Variants in GRID1 observed in about 807,000 individuals in gnomAD.
GRID1 encodes the protein glutamate ionotropic receptor delta type subunit 1.
Under a neutral mutation model 98.0 loss-of-function variants are expected in GRID1, and 28 were observed. The ratio of observed to expected loss-of-function variants is 0.29; its 90% CI spans 0.21 to 0.39. GRID1 has a LOEUF of 0.39. Among genes scored for constraint, GRID1 ranks in the 10% least tolerant of loss-of-function variants. The pLI is 1.00. For missense variants in GRID1, 1,111 were observed against 1,340.5 expected, an observed-to-expected ratio of 0.83 and a Z score of 2.67; for synonymous variants, 553 against 538.5, an observed-to-expected ratio of 1.03 and a Z score of -0.37.
intron 8 of GRID1, among the ~76,000 whole-genome samples, chr10:85,758,430 G>A (rs1014520692): frequency 1.3e-5 from 2 of 152,142 alleles, no homozygotes; most frequent in Non-Finnish European, 2.9e-5. Flanking sequence ...TGGGGCTGTG[G>A]TTTAGGAGCT....
chr10:85,650,666 G>T (rs1181948754), intron 12 of GRID1, among the ~76,000 whole-genome samples: 2 of 152,198 alleles, frequency 1.3e-5, no homozygotes, highest in Non-Finnish European at 2.9e-5. Flanking sequence ...TAACCCATGG[G>T]TAGGAGCTAA....
rs141023014 is a variant in GRID1, at chr10:85,610,230, T to A, written c.2601+3177A>T. Among the ~76,000 whole-genome samples, 203 of 152,360 alleles carry A rather than the reference T, an allele frequency of 1.3e-3. 2 individuals carry two copies. The highest frequency in any genetic ancestry group is 9.1e-3 in the South Asian group (44 of 4,830). ...GTAGTTCCGGATTAAATACCATCAT[T>A]ATTTTTTGAAGGTTTTAAGAATATG... On this transcript the variant is annotated intron_variant, in intron 15 of 15. Coordinates refer to ENST00000327946, the MANE Select transcript of GRID1 (RefSeq NM_017551.3).
intron 3 of GRID1, among the ~76,000 whole-genome samples, chr10:86,141,829 C>T (rs1030215558): frequency 6.6e-6 from 1 of 152,198 alleles, no homozygotes; most frequent in African/African-American, 2.4e-5. Context: ...CCTGGAGAAA[C>T]CGCCTTTAAC....
intron 4 of GRID1, among the ~76,000 whole-genome samples, chr10:86,105,731 T>C (rs760641244): frequency 6.6e-6 from 1 of 152,188 alleles, no homozygotes; most frequent in African/African-American, 2.4e-5. Flanking sequence ...GGTTGGAATC[T>C]AGGGGAGAGA....
intron 4 of GRID1, among the ~76,000 whole-genome samples, chr10:86,096,275 C>G (rs554147482): frequency 6.6e-6 from 1 of 152,224 alleles, no homozygotes; most frequent in South Asian, 2.1e-4. Flanking sequence ...GCACCAAAAT[C>G]TCACAAATCA....
chr10:85,966,145 A>G (rs1306213413), intron 4 of GRID1, among the ~76,000 whole-genome samples: 1 of 152,226 alleles, frequency 6.6e-6, no homozygotes, highest in Admixed American at 6.5e-5. Flanking sequence ...AAAGCTCACT[A>G]GGTAGGAAAA....
At position 86,274,740 on chromosome 10, in the gene GRID1, G is replaced by A. The variant is rs1005129906; in HGVS notation, c.236-68092C>T. Among the ~76,000 whole-genome samples the A allele has an allele frequency of 3.8e-4, 57 of 151,672 alleles. 1 individual carries two copies. Among genetic ancestry groups the A allele is most frequent in the Non-Finnish European group, 7.9e-4 (54 of 67,928 alleles). On this transcript the variant is annotated intron_variant, in intron 2 of 15. Coordinates refer to ENST00000327946, the MANE Select transcript of GRID1 (RefSeq NM_017551.3). ...CTGTTATTGGTGTATAAGAATGCTT[G>A]TGATTTTTGTACATTGATTTTGTAT...
intron 3 of GRID1, among the ~76,000 whole-genome samples, chr10:86,140,931 C>T (rs553715492): frequency 6.6e-6 from 1 of 152,276 alleles, no homozygotes; most frequent in Non-Finnish European, 1.5e-5. Flanking sequence ...CAAATGAGAA[C>T]CCTGGGGGCT....
intron 4 of GRID1, among the ~76,000 whole-genome samples, chr10:85,972,628 C>T (rs1291508718): frequency 1.3e-5 from 2 of 151,734 alleles, no homozygotes; most frequent in African/African-American, 4.8e-5. Context: ...TATTGCGTGG[C>T]TATTCCATAA....
chr10:86,130,123 A>C (rs1333781980), intron 4 of GRID1, among the ~76,000 whole-genome samples: 2 of 152,248 alleles, frequency 1.3e-5, no homozygotes, highest in Non-Finnish European at 2.9e-5. Context: ...GATCCAGTGA[A>C]TCTAACCCAG....
At chr10:86,193,522 A>C (rs868662405) in intron 3 of GRID1, among the ~76,000 whole-genome samples, 2 of 138,100 alleles carry the variant, frequency 1.4e-5, no homozygotes, top group Admixed American at 7.1e-5. Context: ...GCTTGTGGGC[A>C]CACCAGAGCT....
chr10:86,259,333 C>G (rs1371661335), intron 2 of GRID1, among the ~76,000 whole-genome samples: 1 of 152,250 alleles, frequency 6.6e-6, no homozygotes, highest in Non-Finnish European at 1.5e-5. Context: ...CTACCTCTCT[C>G]TCTCTCTCCT....
chr10:85,684,280 C>T (rs1297681229), intron 12 of GRID1, among the ~76,000 whole-genome samples: 3 of 152,124 alleles, frequency 2.0e-5, no homozygotes, highest in Admixed American at 2.0e-4. Flanking sequence ...TCATAACTTT[C>T]ATAACAAAAT....
At chr10:85,622,592 T>A (rs1842870243) in intron 13 of GRID1, among the ~76,000 whole-genome samples, 1 of 152,098 alleles carries the variant, frequency 6.6e-6, no homozygotes, top group Admixed American at 6.5e-5. Context: ...GGATCCTGAA[T>A]CTGTCTGAAA....
At chr10:85,829,930 G>T (rs191140495) in intron 8 of GRID1, among the ~76,000 whole-genome samples, 4 of 152,192 alleles carry the variant, frequency 2.6e-5, no homozygotes, top group Admixed American at 2.6e-4. Flanking sequence ...AACTACCAAT[G>T]GCATTCTTCA....
In GRID1 at chr10:86,181,091, C is replaced by T. The variant is rs990858282; in HGVS notation, c.520+25273G>A. On this transcript the variant is annotated intron_variant, in intron 3 of 15. Coordinates refer to ENST00000327946, the MANE Select transcript of GRID1 (RefSeq NM_017551.3). ...GAGGCTGTACAAGCCACACACACCC[C>T]CAACCATGCAGGTGTGCAGAGCAAC... is the stretch of plus-strand genomic sequence containing the variant. Among the ~76,000 whole-genome samples the T allele has an allele frequency of 1.1e-4, 17 of 152,288 alleles. No homozygotes were observed. The East Asian group carries it at 1.2e-3, about 10-fold the overall frequency.
At chr10:85,795,113 G>T (rs1842514737) in intron 8 of GRID1, among the ~76,000 whole-genome samples, 1 of 152,200 alleles carries the variant, frequency 6.6e-6, no homozygotes, top group African/African-American at 2.4e-5. Context: ...TATGGATCGA[G>T]AAATATAATC....
chr10:85,868,986 G>T, intron 6 of GRID1, 24 bp downstream of exon 6: 1 of 1,607,106 alleles, frequency 6.2e-7, no homozygotes, highest in Non-Finnish European at 8.5e-7. Flanking sequence ...GGAGGGGACT[G>T]GAGAGAAGAG....
intron 4 of GRID1, among the ~76,000 whole-genome samples, chr10:86,099,156 G>A (rs1013875196): frequency 6.6e-6 from 1 of 152,190 alleles, no homozygotes; most frequent in African/African-American, 2.4e-5. Flanking sequence ...AATTTCAGGG[G>A]ACAAGGTAGC....
Sources: allele counts gnomAD v4.1 joint callset (sites outside exome capture counted in the v4.1 genomes callset), GRCh38; gene constraint gnomAD v4.1.1; transcripts MANE v1.5; gene names NCBI Gene and HGNC (gene_info 2026-07-23, HGNC 2026-07-21).